NOS1AP: variants seen among roughly 807,000 people sequenced by gnomAD.
NOS1AP encodes carboxyl-terminal PDZ ligand of neuronal nitric oxide synthase protein.
In NOS1AP, 21 loss-of-function variants were observed where a neutral mutation model predicts 56.2. That is an observed-to-expected ratio of 0.37 (90% CI 0.26 to 0.54). The LOEUF is 0.54. NOS1AP is among the 20% of genes least tolerant of loss of function. NOS1AP has a pLI of 0.84. For synonymous variants in NOS1AP, 270 were observed against 274.6 expected (o/e 0.98, Z 0.17); for missense variants, 522 against 657.8 (o/e 0.79, Z 2.26).
chr1:162,316,099 G>A (rs1408270115), intron 4 of NOS1AP, among the ~76,000 whole-genome samples: 1 of 152,134 alleles, frequency 6.6e-6, no homozygotes, highest in Admixed American at 6.5e-5. Context: ...GGGACTGAGT[G>A]GATGAATGAA....
At chr1:162,284,560 G>A (rs1655034419) in intron 2 of NOS1AP, among the ~76,000 whole-genome samples, 1 of 150,684 alleles carries the variant, frequency 6.6e-6, no homozygotes, top group Non-Finnish European at 1.5e-5. Flanking sequence ...GGTTTTGGGA[G>A]AAATCATTTG....
At chr1:162,321,778 C>A (rs1347278165) in intron 4 of NOS1AP, among the ~76,000 whole-genome samples, 2 of 148,622 alleles carry the variant, frequency 1.3e-5, no homozygotes, top group Non-Finnish European at 3.0e-5. Flanking sequence ...CAGCTGCAGG[C>A]CATTATCCTG....
At chr1:162,165,038 C>G (rs1650417357) in intron 2 of NOS1AP, among the ~76,000 whole-genome samples, 1 of 152,124 alleles carries the variant, frequency 6.6e-6, no homozygotes, top group South Asian at 2.1e-4. Flanking sequence ...AAATGACTCC[C>G]TTGCCTGGTG....
chr1:162,100,183 T>C (rs1692350262), intron 1 of NOS1AP, among the ~76,000 whole-genome samples: 1 of 152,200 alleles, frequency 6.6e-6, no homozygotes, highest in African/African-American at 2.4e-5. Context: ...GTATTTCTAG[T>C]TCCAGATCCC....
intron 7 of NOS1AP, among the ~76,000 whole-genome samples, chr1:162,356,411 C>T (rs1657706200): frequency 6.6e-6 from 1 of 152,334 alleles, no homozygotes; most frequent in African/African-American, 2.4e-5. Flanking sequence ...GCCGATGGTT[C>T]TCACCAGAGG....
intron 4 of NOS1AP, among the ~76,000 whole-genome samples, chr1:162,313,755 C>T (rs1237636988): frequency 6.6e-6 from 1 of 152,162 alleles, no homozygotes; most frequent in Admixed American, 6.5e-5. Flanking sequence ...ACCATTCAGA[C>T]TAGTGGTGTC....
chr1:162,315,140 G>A (rs936488315), intron 4 of NOS1AP, among the ~76,000 whole-genome samples: 2 of 152,214 alleles, frequency 1.3e-5, no homozygotes, highest in Admixed American at 6.5e-5. Flanking sequence ...GGGAATGTTG[G>A]CCTAGGGCCT....
intron 4 of NOS1AP, among the ~76,000 whole-genome samples, chr1:162,325,047 G>A (rs191101940): frequency 6.6e-6 from 1 of 152,304 alleles, no homozygotes; most frequent in East Asian, 1.9e-4. Flanking sequence ...CATTTCATGA[G>A]TTTATTACCC....
rs1353023114 is a variant in NOS1AP, at chr1:162,357,015, C to T, written c.818C>T (p.Ser273Phe). 3 of 1,613,878 alleles carry T rather than the reference C, an allele frequency of 1.9e-6. No individual in the cohort carries two copies. The highest frequency in any genetic ancestry group is 2.5e-6 in the Non-Finnish European group (3 of 1,180,022). The change falls in exon 8 of 10, where the codon TCT becomes TTT. Residue 273 changes from serine to phenylalanine, a missense_variant. Coordinates refer to ENST00000361897, the MANE Select transcript of NOS1AP (RefSeq NM_014697.3). ...GCCTCACCCAGGATGCTGCTCCCTT[C>T]TTCTTCCTCGAAGCCTCCAGGCCTG... ...LTASPRMLLP[S>F]SSSKPPGLGT...
At chr1:162,352,104 G>T (rs1657520331) in intron 6 of NOS1AP, among the ~76,000 whole-genome samples, 1 of 151,720 alleles carries the variant, frequency 6.6e-6, no homozygotes, top group Non-Finnish European at 1.5e-5. Flanking sequence ...CTATTGCCCA[G>T]GCTGGAGTGC....
intron 2 of NOS1AP, among the ~76,000 whole-genome samples, chr1:162,154,748 A>G (rs1019316066): frequency 6.6e-6 from 1 of 152,106 alleles, no homozygotes; most frequent in Non-Finnish European, 1.5e-5. Flanking sequence ...TACCTTGATG[A>G]TGTGTGGTGA....
At chr1:162,259,167 C>G (rs1048964515) in intron 2 of NOS1AP, among the ~76,000 whole-genome samples, 1 of 152,182 alleles carries the variant, frequency 6.6e-6, no homozygotes, top group Non-Finnish European at 1.5e-5. Flanking sequence ...CTGTTGTACT[C>G]TCATCTTTTG....
intron 2 of NOS1AP, among the ~76,000 whole-genome samples, chr1:162,174,054 A>C (rs1283592612): frequency 1.3e-5 from 2 of 152,224 alleles, no homozygotes; most frequent in African/African-American, 4.8e-5. Context: ...CCATCCCATT[A>C]CTGGGTATAT....
chr1:162,296,836 G>T (rs887254890), intron 3 of NOS1AP, among the ~76,000 whole-genome samples: 1 of 152,212 alleles, frequency 6.6e-6, no homozygotes, highest in South Asian at 2.1e-4. Flanking sequence ...GGCGCCCGAT[G>T]CATCCTCTCC....
At chr1:162,300,588 C>A in intron 3 of NOS1AP, 45 bp from the exon 4 acceptor site, 1 of 1,525,356 alleles carries the variant, frequency 6.6e-7, no homozygotes, top group Non-Finnish European at 9.1e-7. Flanking sequence ...TCAGTGTGTG[C>A]CCTGGTCCTG....
chr1:162,082,821 G>A (rs1025932723), intron 1 of NOS1AP, among the ~76,000 whole-genome samples: 2 of 152,122 alleles, frequency 1.3e-5, no homozygotes, highest in Non-Finnish European at 2.9e-5. Context: ...CAGAGATGTT[G>A]CCTTTTGGAT....
At chr1:162,086,247 T>C (rs1252364915) in intron 1 of NOS1AP, among the ~76,000 whole-genome samples, 1 of 152,048 alleles carries the variant, frequency 6.6e-6, no homozygotes, top group Non-Finnish European at 1.5e-5. Flanking sequence ...AGCAGCTCTA[T>C]GGAGAGTGGT....
rs114893609 is a variant in NOS1AP, at chr1:162,195,181, C to T, written c.177+40705C>T. On this transcript the variant is annotated intron_variant, in intron 2 of 9. Transcript: ENST00000361897. ...ATATATAAAGTACTTAGTATAGTAT[C>T]TAGCACATAGTAGATATTCAATAAA... Among the ~76,000 whole-genome samples the T allele has an allele frequency of 4.1e-3, 631 of 152,204 alleles. 5 individuals carry two copies. Among genetic ancestry groups the T allele is most frequent in the African/African-American group, 0.014 (595 of 41,498 alleles).
chr1:162,332,026 A>C (rs1467456249), intron 4 of NOS1AP, among the ~76,000 whole-genome samples: 1 of 152,232 alleles, frequency 6.6e-6, no homozygotes, highest in African/African-American at 2.4e-5. Flanking sequence ...GTAGAATATA[A>C]GCCACGACCT....
Sources: allele counts gnomAD v4.1 joint callset (sites outside exome capture counted in the v4.1 genomes callset), GRCh38; gene constraint gnomAD v4.1.1; transcripts MANE v1.5; gene names NCBI Gene and HGNC (gene_info 2026-07-23, HGNC 2026-07-21).